Variants in SS18 observed in about 807,000 individuals in gnomAD.
SS18 encodes the protein SS18 subunit of BAF chromatin remodeling complex.
A neutral mutation model predicts 72.5 loss-of-function variants in SS18; 28 were observed. The observed-to-expected ratio is 0.39, with a 90% CI of 0.29 to 0.53. The LOEUF is 0.53. Among genes scored for constraint, SS18 ranks in the 20% least tolerant of loss-of-function variants. SS18 has a pLI of 0.76. For synonymous variants in SS18, 172 were observed against 164.2 expected (o/e 1.05, Z -0.37); for missense variants, 518 against 535.3 (o/e 0.97, Z 0.32).
chr18:26,063,400 T>G (rs1414253442), intron 3 of SS18, among the ~76,000 whole-genome samples: 1 of 152,094 alleles, frequency 6.6e-6, no homozygotes, highest in East Asian at 1.9e-4. Context: ...GCGCCTGTAG[T>G]CCCAGCTACT....
intron 10 of SS18, among the ~76,000 whole-genome samples, chr18:26,021,414 C>A (rs2143770248): frequency 6.6e-6 from 1 of 152,314 alleles, no homozygotes; most frequent in South Asian, 2.1e-4. Flanking sequence ...GTGAACAGAG[C>A]ATGGGCTTTC....
chr18:26,027,909 T>C (rs1459434905), intron 10 of SS18, among the ~76,000 whole-genome samples: 1 of 151,950 alleles, frequency 6.6e-6, no homozygotes, highest in Non-Finnish European at 1.5e-5. Flanking sequence ...AAAGATTTCT[T>C]ACACATGATC....
At position 26,039,399 on chromosome 18, in the gene SS18, C is replaced by G. The variant is rs2053684771; in HGVS notation, c.665G>C (p.Gly222Ala). The stretch of plus-strand genomic sequence containing the variant: ...TGGCTGCTGTCCTTGGTAATGCTGT[C>G]CGCCTCCCTGTGGCATATTGTATTG... ...SQQYNMPQGGGQHYQGQQPPM... is the reference protein window; with the variant it reads ...SQQYNMPQGGAQHYQGQQPPM... The change falls in exon 6 of 11, where the codon GGA becomes GCA. Residue 222 changes from glycine to alanine, a missense_variant. Gly to Ala is a moderately conservative substitution (Grantham distance 60). Transcript: ENST00000415083. 3.7e-6 allele frequency: 6 copies of G among 1,613,824 alleles called. No homozygotes were observed. The highest frequency in any genetic ancestry group is 5.1e-6 in the Non-Finnish European group (6 of 1,179,848).
chr18:26,060,008 T>TA lies in SS18; in HGVS notation c.232-2267dup, dbSNP rs530661453. 3.3e-3 allele frequency among the ~76,000 whole-genome samples: 505 copies of TA among 152,294 alleles called. 3 individuals are homozygous for TA. Among genetic ancestry groups the TA allele is most frequent in the African/African-American group, 0.012 (489 of 41,562 alleles). The stretch of plus-strand genomic sequence containing the variant: ...ACAGTTTGACAGTTCCTCAAGAACT[T>TA]AAACAGTTACCATATGATCTAGCAA... On this transcript the variant is annotated intron_variant, in intron 3 of 10. Coordinates refer to ENST00000415083, the MANE Select transcript of SS18 (RefSeq NM_001007559.3).
At chr18:26,047,657 C>CTG in intron 5 of SS18, among the ~76,000 whole-genome samples, 1 of 152,142 alleles carries the variant, frequency 6.6e-6, no homozygotes, top group South Asian at 2.1e-4. Context: ...CTGGCTAACA[C>CTG]GGTGAAACCC....
intron 3 of SS18, among the ~76,000 whole-genome samples, chr18:26,062,269 A>C (rs2054136746): frequency 6.6e-6 from 1 of 152,178 alleles, no homozygotes; most frequent in South Asian, 2.1e-4. Context: ...AAAAAAGAAA[A>C]AGACAGCGAG....
chr18:26,045,378 G>A (rs958710714), intron 5 of SS18, among the ~76,000 whole-genome samples: 2 of 151,936 alleles, frequency 1.3e-5, no homozygotes, highest in African/African-American at 2.4e-5. Context: ...CACTCACTCC[G>A]CTCCAGTTCG....
At chr18:26,060,250 T>C (rs2054095438) in intron 3 of SS18, among the ~76,000 whole-genome samples, 1 of 152,190 alleles carries the variant, frequency 6.6e-6, no homozygotes, top group Non-Finnish European at 1.5e-5. Flanking sequence ...ACAACATGGA[T>C]GAACCTTGAA....
intron 2 of SS18, among the ~76,000 whole-genome samples, chr18:26,086,228 G>A (rs1474787096): frequency 9.2e-5 from 14 of 152,126 alleles, no homozygotes; most frequent in African/African-American, 2.4e-4. Flanking sequence ...TCAGGGACAC[G>A]GGCATCTGGG....
intron 10 of SS18, among the ~76,000 whole-genome samples, chr18:26,031,009 G>A (rs1462126429): frequency 2.6e-5 from 4 of 152,254 alleles, no homozygotes; most frequent in Middle Eastern, 3.4e-3. Context: ...TTTTACCTCC[G>A]TAGGACCTAC....
chr18:26,021,333 G>C (rs938171948), intron 10 of SS18, among the ~76,000 whole-genome samples: 1 of 152,132 alleles, frequency 6.6e-6, no homozygotes. Context: ...AGTTATTCAA[G>C]AAGAAAAACA....
In SS18 at chr18:26,082,011, T is replaced by C. The variant is rs7238075; in HGVS notation, c.147-3851A>G. On this transcript the variant is annotated intron_variant, in intron 2 of 10. Coordinates refer to ENST00000415083, the MANE Select transcript of SS18 (RefSeq NM_001007559.3). ...AGGTTGAGGCTGCAGTGAGCCATTA[T>C]CATACCACTTGCACTCCAGCCTGGG... 8.4e-3 allele frequency among the ~76,000 whole-genome samples: 1,277 copies of C among 152,108 alleles called. 18 individuals are homozygous for C. Among genetic ancestry groups the C allele is most frequent in the African/African-American group, 0.03 (1,242 of 41,474 alleles).
intron 3 of SS18, among the ~76,000 whole-genome samples, chr18:26,066,843 A>G (rs2054228678): frequency 1.3e-5 from 2 of 152,230 alleles, no homozygotes; most frequent in South Asian, 4.1e-4. Flanking sequence ...TCTATGAAAT[A>G]CAGGAATACT....
At chr18:26,070,841 C>G (rs1482760190) in intron 3 of SS18, among the ~76,000 whole-genome samples, 1 of 152,082 alleles carries the variant, frequency 6.6e-6, no homozygotes, top group Admixed American at 6.5e-5. Context: ...TAAAATCATC[C>G]TAAAACATAA....
chr18:26,038,471 C>T (rs547337674), intron 7 of SS18, 84 bp downstream of exon 7: 3 of 1,253,262 alleles, frequency 2.4e-6, no homozygotes, highest in East Asian at 2.3e-5. Flanking sequence ...GTTTCTTCGT[C>T]CTCACTGAAA....
At chr18:26,069,286 C>T (rs1468238335) in intron 3 of SS18, among the ~76,000 whole-genome samples, 5 of 152,000 alleles carry the variant, frequency 3.3e-5, no homozygotes, top group African/African-American at 1.2e-4. Context: ...TTATCTTTCT[C>T]ATATTATAAA....
upstream of SS18, chr18:26,090,784 C>A: frequency 1.7e-6 from 1 of 593,888 alleles, no homozygotes; most frequent in Admixed American, 3.1e-5. Flanking sequence ...CTAGCCCTGG[C>A]CGAACTTTCT....
chr18:26,021,215 G>T (rs2053344054), intron 10 of SS18, among the ~76,000 whole-genome samples: 1 of 152,206 alleles, frequency 6.6e-6, no homozygotes, highest in Non-Finnish European at 1.5e-5. Flanking sequence ...CCAATTTCTA[G>T]TGCTAACGTC....
intron 2 of SS18, chr18:26,084,041 T>C (rs2054575112): frequency 6.6e-6 from 1 of 151,872 alleles, no homozygotes; most frequent in African/African-American, 2.4e-5. Context: ...GAGAAACGGG[T>C]GACTACCCAC....
Sources: gnomAD v4.1 joint callset for allele counts (sites outside exome capture counted in the v4.1 genomes callset) on GRCh38, gnomAD v4.1.1 for gene constraint, MANE v1.5 for transcripts, NCBI Gene and HGNC (gene_info 2026-07-23, HGNC 2026-07-21) for gene names.